The following ECM2 variants were observed in gnomAD, a reference collection of about 807,000 sequenced individuals.
ECM2 encodes extracellular matrix protein 2, also known as extracellular matrix protein 2, female organ and adipocyte specific.
ECM2 carries 57 observed loss-of-function variants against 67.5 expected under a neutral mutation model. The ratio of observed to expected loss-of-function variants is 0.84; its 90% CI spans 0.68 to 1.05. ECM2 has a LOEUF of 1.05. Ranked by LOEUF, ECM2 falls within the 50% of genes least tolerant of loss-of-function variation. ECM2 has a pLI of 0.00. For missense variants in ECM2, 741 were observed against 822.8 expected (o/e 0.90, Z 1.22); for synonymous variants, 258 against 294.5 (o/e 0.88, Z 1.27).
At chr9:92,555,448 C>T in the ECM2 span, among the ~76,000 whole-genome samples, 2 of 151,550 alleles carry the variant, frequency 1.3e-5, no homozygotes, top group African/African-American at 2.4e-5. Context: ...AGGCTGTTCT[C>T]GAACTCCTGA....
At chr9:92,513,486 A>G (rs1847488584) in intron 4 of ECM2, among the ~76,000 whole-genome samples, 1 of 152,140 alleles carries the variant, frequency 6.6e-6, no homozygotes, top group Non-Finnish European at 1.5e-5. Flanking sequence ...CCACACAAAC[A>G]TCTGTACGTG....
In ECM2 at chr9:92,500,896, GGTACAAGTATTCCA is replaced by G. The variant is rs763121296; in HGVS notation, c.1748_1761del (p.Leu583ProfsTer4). 1.2e-6 allele frequency: 2 copies of G among 1,614,156 alleles called. No individual in the cohort carries two copies. Among genetic ancestry groups the G allele is most frequent in the Non-Finnish European group, 1.7e-6 (2 of 1,180,030 alleles). ...TCATCAGCAAGTTTGTTAAATGACAGGTACAAGTATTCCAGGCCTGGTTCCATGTGGCCAAACAC... is the reference window on the plus strand; with the variant it reads ...TCATCAGCAAGTTTGTTAAATGACAGGGCCTGGTTCCATGTGGCCAAACAC... On this transcript the variant is annotated frameshift_variant, in exon 9 of 10. Transcript: ENST00000344604. LOFTEE classifies it high-confidence loss of function.
the ECM2 span, among the ~76,000 whole-genome samples, chr9:92,555,446 C>T: frequency 6.6e-6 from 1 of 151,712 alleles, no homozygotes; most frequent in Non-Finnish European, 1.5e-5. Flanking sequence ...CCAGGCTGTT[C>T]TCGAACTCCT....
chr9:92,544,247 A>G, the ECM2 span, among the ~76,000 whole-genome samples: 1 of 152,224 alleles, frequency 6.6e-6, no homozygotes, highest in Non-Finnish European at 1.5e-5. Flanking sequence ...AGGCTGAGGC[A>G]CGTGGATCAC....
intron 1 of ECM2, among the ~76,000 whole-genome samples, chr9:92,529,075 G>C (rs866732504): frequency 2.6e-5 from 4 of 152,134 alleles, no homozygotes; most frequent in African/African-American, 9.7e-5. Context: ...CAATGTGAGA[G>C]AGAAAAAATA....
intron 6 of ECM2, among the ~76,000 whole-genome samples, chr9:92,507,421 G>T (rs1847072006): frequency 6.6e-6 from 1 of 152,190 alleles, no homozygotes; most frequent in Non-Finnish European, 1.5e-5. Context: ...GAGAAAAAGA[G>T]AGAAACAGTG....
At chr9:92,532,032 T>A (rs1037529127) in intron 1 of ECM2, among the ~76,000 whole-genome samples, 2 of 132,670 alleles carry the variant, frequency 1.5e-5, no homozygotes, top group East Asian at 2.0e-4. Context: ...TTTTTTTATT[T>A]TATTTTTTTT....
chr9:92,549,133 G>A, the ECM2 span, among the ~76,000 whole-genome samples: 4 of 152,284 alleles, frequency 2.6e-5, no homozygotes, highest in Admixed American at 2.6e-4. Context: ...AAGGAACTGC[G>A]GAGGGAGACA....
At chr9:92,526,910 T>A (rs1848449484) in intron 1 of ECM2, among the ~76,000 whole-genome samples, 1 of 152,182 alleles carries the variant, frequency 6.6e-6, no homozygotes, top group Non-Finnish European at 1.5e-5. Flanking sequence ...TCTTCCAAGC[T>A]CCATTCATGG....
At chr9:92,502,758 A>G (rs1846762424) in intron 7 of ECM2, 106 bp from the exon 8 acceptor site, 1 of 1,007,200 alleles carries the variant, frequency 9.9e-7, no homozygotes, top group Non-Finnish European at 1.4e-6. Flanking sequence ...AGTATTATCT[A>G]AAGAGTCTTA....
intron 3 of ECM2, chr9:92,517,379 A>G (rs1001911981): frequency 7.5e-6 from 4 of 536,580 alleles, no homozygotes; most frequent in African/African-American, 5.7e-5. Context: ...TTAATGCAAT[A>G]AGAATTCAGG....
chr9:92,548,492 AC>A, the ECM2 span, among the ~76,000 whole-genome samples: 3 of 152,224 alleles, frequency 2.0e-5, no homozygotes, highest in African/African-American at 7.2e-5. Flanking sequence ...GTTGGGCAAA[AC>A]TTTTCTACAA....
Position 92,516,072 on chromosome 9 carries a change from T to G in ECM2, c.482-869A>C, listed in dbSNP as rs188372049. Among the ~76,000 whole-genome samples the G allele has an allele frequency of 8.0e-3, 1,124 of 139,800 alleles. 26 individuals carry two copies. The highest frequency in any genetic ancestry group is 0.026 in the African/African-American group (997 of 38,600). 91.7% of individuals were successfully genotyped at this position (139,800 alleles called of 152,430 possible). A position where few individuals can be genotyped will look rare whatever the true frequency, so the allele number is the denominator to read the frequency against. Reference sequence around the variant, plus strand: ...TGATTTCACAGTGCATACTTTTTTTTCCCCCCCCCGAGACGGAGTCTTGCT... The same window carrying G: ...TGATTTCACAGTGCATACTTTTTTTGCCCCCCCCCGAGACGGAGTCTTGCT... On this transcript the variant is annotated intron_variant, in intron 3 of 9. Coordinates refer to ENST00000344604, the MANE Select transcript of ECM2 (RefSeq NM_001393.4).
intron 1 of ECM2, among the ~76,000 whole-genome samples, chr9:92,532,015 G>GTTTTTTTTTTTGTTTT (rs1848801440): frequency 6.3e-5 from 6 of 95,736 alleles, no homozygotes; most frequent in African/African-American, 3.6e-4. Context: ...TTTATTTAAT[G>GTTTTTTTTTTTGTTTT]TTTTTTTTTT....
intron 5 of ECM2, 24 bp from the exon 6 acceptor site, chr9:92,510,058 A>C: frequency 1.9e-6 from 3 of 1,583,634 alleles, no homozygotes; most frequent in Non-Finnish European, 2.6e-6. Context: ...TCTCAAAGTT[A>C]CTTTTTTATC....
chr9:92,543,656 C>T, the ECM2 span, among the ~76,000 whole-genome samples: 1 of 151,926 alleles, frequency 6.6e-6, no homozygotes, highest in Non-Finnish European at 1.5e-5. Context: ...GTCATTCTAA[C>T]AATATTAATG....
chr9:92,508,566 C>A (rs1847148708), intron 6 of ECM2, among the ~76,000 whole-genome samples: 1 of 152,210 alleles, frequency 6.6e-6, no homozygotes, highest in African/African-American at 2.4e-5. Flanking sequence ...TACAGTTGTT[C>A]TAAATTGCTG....
the ECM2 span, among the ~76,000 whole-genome samples, chr9:92,548,142 G>C: frequency 3.3e-5 from 5 of 152,186 alleles, no homozygotes; most frequent in Non-Finnish European, 7.3e-5. Flanking sequence ...GATTGCTGCT[G>C]CATGTGTGTC....
At chr9:92,512,178 A>G in intron 4 of ECM2, 52 bp from the exon 5 acceptor site, 1 of 1,189,890 alleles carries the variant, frequency 8.4e-7, no homozygotes. Flanking sequence ...ACATACATGT[A>G]CACACATGTA....
Sources: allele counts gnomAD v4.1 joint callset (sites outside exome capture counted in the v4.1 genomes callset), GRCh38; gene constraint gnomAD v4.1.1; transcripts MANE v1.5; gene names NCBI Gene and HGNC (gene_info 2026-07-23, HGNC 2026-07-21).